Variants in POU2F3 observed in about 807,000 individuals in gnomAD.
POU2F3 encodes POU domain, class 2, transcription factor 3.
POU2F3 carries 23 observed loss-of-function variants against 59.2 expected under a neutral mutation model. The ratio of observed to expected loss-of-function variants is 0.39; its 90% CI spans 0.28 to 0.55. The LOEUF is 0.55. Among genes scored for constraint, POU2F3 ranks in the 20% least tolerant of loss-of-function variants. The pLI is 0.66. For missense variants in POU2F3, 473 were observed against 544.5 expected, an observed-to-expected ratio of 0.87 and a Z score of 1.31; for synonymous variants, 190 against 214.6, an observed-to-expected ratio of 0.89 and a Z score of 1.00.
At chr11:120,305,881 T>C (rs1159630832) in intron 8 of POU2F3, 96 bp downstream of exon 8, 2 of 1,421,118 alleles carry the variant, frequency 1.4e-6, no homozygotes, top group East Asian at 4.7e-5. Context: ...GTTTGATACC[T>C]AACACCCCCT....
At chr11:120,251,903 T>C (rs1051003737) in intron 2 of POU2F3, among the ~76,000 whole-genome samples, 10 of 149,386 alleles carry the variant, frequency 6.7e-5, no homozygotes, top group African/African-American at 2.5e-4. Flanking sequence ...CAAGCAATTC[T>C]CCTGCCTCAG....
At chr11:120,310,631 A>T (rs1245529906) in intron 10 of POU2F3, among the ~76,000 whole-genome samples, 2 of 152,022 alleles carry the variant, frequency 1.3e-5, no homozygotes, top group Non-Finnish European at 2.9e-5. Context: ...GGGGATGGTG[A>T]TGGTTGAAGG....
intron 3 of POU2F3, among the ~76,000 whole-genome samples, chr11:120,294,594 G>C (rs995114487): frequency 6.6e-6 from 1 of 152,216 alleles, no homozygotes; most frequent in Non-Finnish European, 1.5e-5. Flanking sequence ...TGCCTGGAAA[G>C]CTTCCAACCT....
At chr11:120,239,799 C>T (rs1938588436), upstream of POU2F3, among the ~76,000 whole-genome samples, 1 of 152,228 alleles carries the variant, frequency 6.6e-6, no homozygotes, top group African/African-American at 2.4e-5. Context: ...CGCGACTTCT[C>T]CAAACACTCC....
chr11:120,305,339 T>C, intron 7 of POU2F3, 127 bp downstream of exon 7: 1 of 1,128,600 alleles, frequency 8.9e-7, no homozygotes, highest in Non-Finnish European at 1.2e-6. Flanking sequence ...TGTCCCTGAG[T>C]TCTCTGAGAA....
upstream of POU2F3, among the ~76,000 whole-genome samples, chr11:120,236,894 C>G (rs913829631): frequency 1.3e-5 from 2 of 152,204 alleles, no homozygotes; most frequent in African/African-American, 4.8e-5. Flanking sequence ...AGAGTAGAAA[C>G]GTCTCTGCTG....
intron 10 of POU2F3, among the ~76,000 whole-genome samples, chr11:120,312,901 G>A (rs1423451244): frequency 6.6e-6 from 1 of 152,154 alleles, no homozygotes; most frequent in African/African-American, 2.4e-5. Context: ...GAGTTGGGGG[G>A]TGCAGAGAGG....
Position 120,240,247 on chromosome 11 carries a change from G to C in POU2F3, c.-97G>C, listed in dbSNP as rs1938602380. On this transcript the variant is annotated 5_prime_UTR_variant, in exon 1 of 13. Transcript: ENST00000543440. ...CGGCTCCCGCGGCGGCGGCGGCCGG[G>C]AACTGGAGGAAGGAGACCCTGGCTT... 1 of 1,254,420 alleles carries C rather than the reference G, an allele frequency of 8.0e-7. No homozygotes were observed. The highest frequency in any genetic ancestry group is 3.7e-5 in the South Asian group (1 of 27,094). The allele number at this position is 1,254,420 out of a possible 1,614,324, so 77.7% of individuals were successfully genotyped here.
chr11:120,290,788 G>A (rs1355006206), intron 3 of POU2F3, among the ~76,000 whole-genome samples: 2 of 152,138 alleles, frequency 1.3e-5, no homozygotes, highest in East Asian at 1.9e-4. Flanking sequence ...AGTGCTTCAC[G>A]ATCATAAGTT....
At chr11:120,242,750 GGAGC>G (rs1322736088) in intron 1 of POU2F3, among the ~76,000 whole-genome samples, 3 of 152,214 alleles carry the variant, frequency 2.0e-5, no homozygotes, top group African/African-American at 7.2e-5. Context: ...AGGTCTGCCT[GGAGC>G]CTTCGCACCT....
intron 9 of POU2F3, among the ~76,000 whole-genome samples, chr11:120,308,976 A>AAAAAAAAAAAAAG (rs1941578361): frequency 7.0e-6 from 1 of 142,676 alleles, no homozygotes; most frequent in Non-Finnish European, 1.5e-5. Context: ...AAAAAAAAAA[A>AAAAAAAAAAAAAG]GAAATGACAA....
At chr11:120,266,381 G>A (rs1939827125) in intron 2 of POU2F3, among the ~76,000 whole-genome samples, 1 of 152,008 alleles carries the variant, frequency 6.6e-6, no homozygotes, top group Admixed American at 6.5e-5. Flanking sequence ...CTCCCAGTTG[G>A]TCTCCCTTCC....
chr11:120,309,128 C>G (rs1385364935), intron 9 of POU2F3, among the ~76,000 whole-genome samples: 1 of 152,022 alleles, frequency 6.6e-6, no homozygotes, highest in African/African-American at 2.4e-5. Flanking sequence ...TCTATGGAGA[C>G]CCTACTTTGT....
At chr11:120,281,710 T>C (rs1286747249) in intron 3 of POU2F3, among the ~76,000 whole-genome samples, 1 of 152,118 alleles carries the variant, frequency 6.6e-6, no homozygotes, top group Non-Finnish European at 1.5e-5. Flanking sequence ...TGCTGTGGGG[T>C]GTCCCTGGTT....
chr11:120,274,575 G>A (rs1282412457), intron 3 of POU2F3, among the ~76,000 whole-genome samples: 3 of 152,182 alleles, frequency 2.0e-5, no homozygotes, highest in African/African-American at 4.8e-5. Context: ...GAAGACAGGA[G>A]GTGGAACAAA....
chr11:120,236,895 G>A (rs751925584), upstream of POU2F3, among the ~76,000 whole-genome samples: 3 of 152,200 alleles, frequency 2.0e-5, no homozygotes, highest in Non-Finnish European at 2.9e-5. Flanking sequence ...GAGTAGAAAC[G>A]TCTCTGCTGA....
intron 2 of POU2F3, among the ~76,000 whole-genome samples, chr11:120,260,884 A>T (rs538707597): frequency 1.3e-5 from 2 of 152,222 alleles, no homozygotes; most frequent in East Asian, 3.9e-4. Context: ...CTTGGACAAC[A>T]TAGTGAGACC....
At chr11:120,237,841 A>G (rs1372542601), upstream of POU2F3, among the ~76,000 whole-genome samples, 1 of 151,792 alleles carries the variant, frequency 6.6e-6, no homozygotes, top group Non-Finnish European at 1.5e-5. Context: ...GAGTTGGGGG[A>G]GTGTTGAATA....
At chr11:120,311,301 G>C (rs940222959) in intron 10 of POU2F3, among the ~76,000 whole-genome samples, 1 of 152,218 alleles carries the variant, frequency 6.6e-6, no homozygotes, top group Non-Finnish European at 1.5e-5. Flanking sequence ...GCAGGACAAA[G>C]GATGGCTTGA....
Sources: gnomAD v4.1 joint callset for allele counts (sites outside exome capture counted in the v4.1 genomes callset) on GRCh38, gnomAD v4.1.1 for gene constraint, MANE v1.5 for transcripts, NCBI Gene and HGNC (gene_info 2026-07-23, HGNC 2026-07-21) for gene names.